The following ZSWIM6 variants were observed in gnomAD, a reference collection of about 807,000 sequenced individuals.
ZSWIM6 encodes the protein zinc finger SWIM-type containing 6, also known as zinc finger SWIM domain-containing protein 6.
A neutral mutation model predicts 113.2 loss-of-function variants in ZSWIM6; 9 were observed. That is an observed-to-expected ratio of 0.08 (90% CI 0.05 to 0.14). The LOEUF (loss-of-function observed/expected upper bound fraction) is 0.14, where lower values mean the gene tolerates loss of function less well. Among genes scored for constraint, ZSWIM6 ranks in the 10% least tolerant of loss-of-function variants. The pLI is 1.00. For synonymous variants in ZSWIM6, 611 were observed against 606.5 expected (o/e 1.01, Z -0.11); for missense variants, 1,162 against 1,552.2 (o/e 0.75, Z 4.22).
chr5:61,461,396 A>C (rs1026577510), intron 1 of ZSWIM6, among the ~76,000 whole-genome samples: 3 of 152,250 alleles, frequency 2.0e-5, no homozygotes, highest in Non-Finnish European at 4.4e-5. Context: ...GGAACAAGAA[A>C]TAGATATTAA....
intron 1 of ZSWIM6, among the ~76,000 whole-genome samples, chr5:61,382,927 A>G (rs1438278830): frequency 1.3e-5 from 2 of 152,252 alleles, no homozygotes; most frequent in Non-Finnish European, 2.9e-5. Context: ...GAATGTCCGC[A>G]AAGTCAGAGA....
chr5:61,378,725 T>C lies in ZSWIM6; in HGVS notation c.676+45777T>C, dbSNP rs566171114. ...CATGCGCCACCACGCCTGGCTAATTTTGTATTTTTTTAGTAGAGATGGGGT... is the reference window on the plus strand; with the variant it reads ...CATGCGCCACCACGCCTGGCTAATTCTGTATTTTTTTAGTAGAGATGGGGT... On this transcript the variant is annotated intron_variant, in intron 1 of 13. Transcript: ENST00000252744. 2.0e-3 allele frequency among the ~76,000 whole-genome samples: 309 copies of C among 152,240 alleles called. 2 individuals are homozygous for C. The highest frequency in any genetic ancestry group is 3.2e-3 in the Non-Finnish European group (217 of 68,010).
intron 1 of ZSWIM6, among the ~76,000 whole-genome samples, chr5:61,354,701 G>T (rs1279432136): frequency 1.3e-5 from 2 of 151,546 alleles, no homozygotes; most frequent in Non-Finnish European, 2.9e-5. Context: ...ATTTCTTTAG[G>T]GTCTAATTTA....
At position 61,332,584 on chromosome 5, in the gene ZSWIM6, G is replaced by T. The variant is rs75429795; in HGVS notation, c.312G>T (p.Pro104=). The change falls in exon 1 of 14, where the codon CCG becomes CCT. Residue 104 remains proline, a synonymous_variant. Coordinates refer to ENST00000252744, the MANE Select transcript of ZSWIM6 (RefSeq NM_020928.2). ...AGCGCTTTGAGCGCATCCCGGAGCCGGTGCAGCGCCGCATAGTCTATTGGT... is the reference window on the plus strand; with the variant it reads ...AGCGCTTTGAGCGCATCCCGGAGCCTGTGCAGCGCCGCATAGTCTATTGGT... ...VEERFERIPE[P]VQRRIVYWSF... is the part of the protein sequence containing the mutation. 0.13 allele frequency: 178,668 copies of T among 1,347,038 alleles called. 12,431 individuals carry two copies. Among genetic ancestry groups the T allele is most frequent in the Non-Finnish European group, 0.14 (142,480 of 1,020,920 alleles). The allele number at this position is 1,347,038 out of a possible 1,614,324, so 83.4% of individuals were successfully genotyped here.
chr5:61,353,658 T>A (rs1178426048), intron 1 of ZSWIM6, among the ~76,000 whole-genome samples: 3 of 152,260 alleles, frequency 2.0e-5, no homozygotes. Flanking sequence ...ATTCACGATA[T>A]AGTACCTTCT....
intron 1 of ZSWIM6, chr5:61,391,279 T>C (rs1745705842): frequency 2.3e-6 from 2 of 877,822 alleles, no homozygotes; most frequent in African/African-American, 1.6e-5. Flanking sequence ...AAGCCTCTCG[T>C]GGGCCCAGTC....
At chr5:61,475,326 G>GA in intron 2 of ZSWIM6, among the ~76,000 whole-genome samples, 1 of 152,098 alleles carries the variant, frequency 6.6e-6, no homozygotes, top group South Asian at 2.1e-4. Context: ...TGCTTGTTTT[G>GA]AAGGATAGTA....
chr5:61,539,017 T>G (rs1307079342), intron 11 of ZSWIM6, 46 bp downstream of exon 11: 1 of 1,443,160 alleles, frequency 6.9e-7, no homozygotes, highest in Admixed American at 2.8e-5. Flanking sequence ...TTCGTTTGCC[T>G]GTTTATTTTT....
At chr5:61,432,750 G>A (rs1202989525) in intron 1 of ZSWIM6, among the ~76,000 whole-genome samples, 2 of 152,224 alleles carry the variant, frequency 1.3e-5, no homozygotes, top group Middle Eastern at 3.4e-3. Flanking sequence ...TCTTTTCTTG[G>A]TTATGATATA....
chr5:61,362,213 T>C (rs78298014), intron 1 of ZSWIM6, among the ~76,000 whole-genome samples: 2 of 152,216 alleles, frequency 1.3e-5, no homozygotes, highest in Admixed American at 6.5e-5. Context: ...TTTTTTTTTT[T>C]TCTGAGACAG....
intron 1 of ZSWIM6, among the ~76,000 whole-genome samples, chr5:61,456,830 T>C (rs1446582926): frequency 6.6e-6 from 1 of 152,350 alleles, no homozygotes; most frequent in East Asian, 1.9e-4. Context: ...AGTACTAACA[T>C]TTATAGGTTT....
chr5:61,420,212 T>C (rs1746327509), intron 1 of ZSWIM6, among the ~76,000 whole-genome samples: 4 of 152,260 alleles, frequency 2.6e-5, no homozygotes, highest in African/African-American at 2.4e-5. Flanking sequence ...AATGAAAAAA[T>C]GACTGTACAA....
At chr5:61,456,226 ATATAT>A in intron 1 of ZSWIM6, among the ~76,000 whole-genome samples, 1 of 152,242 alleles carries the variant, frequency 6.6e-6, no homozygotes, top group Non-Finnish European at 1.5e-5. Flanking sequence ...TATAGTTTTC[ATATAT>A]TTATTTAGAA....
chr5:61,404,348 G>A (rs756970394), intron 1 of ZSWIM6, among the ~76,000 whole-genome samples: 1 of 151,880 alleles, frequency 6.6e-6, no homozygotes, highest in East Asian at 1.9e-4. Context: ...TTTACTTTCC[G>A]ATCTTTAGGG....
chr5:61,426,650 G>T (rs1339214690), intron 1 of ZSWIM6, among the ~76,000 whole-genome samples: 1 of 151,598 alleles, frequency 6.6e-6, no homozygotes, highest in Non-Finnish European at 1.5e-5. Context: ...TCTAGATCCA[G>T]TTATGCATTT....
At chr5:61,492,927 A>T (rs984708074) in intron 3 of ZSWIM6, among the ~76,000 whole-genome samples, 7 of 151,912 alleles carry the variant, frequency 4.6e-5, no homozygotes, top group African/African-American at 1.7e-4. Context: ...CACCTTTTCT[A>T]CTGCTTGTGA....
At chr5:61,390,477 G>A (rs1745684401) in intron 1 of ZSWIM6, among the ~76,000 whole-genome samples, 1 of 152,158 alleles carries the variant, frequency 6.6e-6, no homozygotes, top group Non-Finnish European at 1.5e-5. Flanking sequence ...AAGTGAAAAT[G>A]TAAGTTCTCA....
At chr5:61,535,691 T>A in intron 10 of ZSWIM6, 72 bp downstream of exon 10, 1 of 1,513,528 alleles carries the variant, frequency 6.6e-7, no homozygotes, top group South Asian at 1.2e-5. Flanking sequence ...TTAACTGACT[T>A]ACTCCTTCAT....
At chr5:61,523,408 C>G (rs1296102796) in intron 5 of ZSWIM6, among the ~76,000 whole-genome samples, 1 of 152,182 alleles carries the variant, frequency 6.6e-6, no homozygotes, top group Non-Finnish European at 1.5e-5. Context: ...AATCTATACC[C>G]TTTGAAAGAG....
Sources: allele counts gnomAD v4.1 joint callset (sites outside exome capture counted in the v4.1 genomes callset), GRCh38; gene constraint gnomAD v4.1.1; transcripts MANE v1.5; gene names NCBI Gene and HGNC (gene_info 2026-07-23, HGNC 2026-07-21).